The following DMD variants were observed in gnomAD, a reference collection of about 807,000 sequenced individuals.
DMD encodes the protein mutant dystrophin.
Under a neutral mutation model 330.1 loss-of-function variants are expected in DMD, and 63 were observed. The observed-to-expected ratio is 0.19, with a 90% CI of 0.16 to 0.24. The LOEUF is 0.24. Ranked by LOEUF, DMD falls within the 10% of genes least tolerant of loss-of-function variation. DMD has a pLI of 1.00. For missense variants in DMD, 3,344 were observed against 2,684.1 expected, an observed-to-expected ratio of 1.25 and a Z score of -5.43; for synonymous variants, 1,223 against 959.8, an observed-to-expected ratio of 1.27 and a Z score of -5.07.
intron 1 of DMD, among the ~76,000 whole-genome samples, chrX:33,028,613 C>T (rs771685548): frequency 1.8e-5 from 2 of 112,074 alleles, no homozygotes; most frequent in Non-Finnish European, 3.8e-5. Flanking sequence ...CATGCACTCC[C>T]TAGAATGAGG....
chrX:32,166,910 A>G (rs2096870517), intron 44 of DMD, among the ~76,000 whole-genome samples: 1 of 112,282 alleles, frequency 8.9e-6, no homozygotes, highest in Non-Finnish European at 1.9e-5. Flanking sequence ...GTTGAGCATT[A>G]CCATGTAGAA....
At chrX:32,652,607 C>G (rs1016080833) in intron 9 of DMD, among the ~76,000 whole-genome samples, 3 of 110,845 alleles carry the variant, frequency 2.7e-5, no homozygotes, top group African/African-American at 9.9e-5. Context: ...ACGTGTGCAT[C>G]TGTCTTTATA....
At chrX:32,575,294 A>G (rs2052909933) in intron 13 of DMD, among the ~76,000 whole-genome samples, 1 of 112,119 alleles carries the variant, frequency 8.9e-6, no homozygotes, top group Non-Finnish European at 1.9e-5. Flanking sequence ...GGTAAACAGA[A>G]GGCAGTCAAC....
At chrX:31,946,544 A>T (rs2095089475) in intron 45 of DMD, among the ~76,000 whole-genome samples, 1 of 111,950 alleles carries the variant, frequency 8.9e-6, no homozygotes. Flanking sequence ...TCTACCTAAC[A>T]GATTACTCAA....
chrX:33,021,191 AG>A (rs1404618937), intron 1 of DMD, among the ~76,000 whole-genome samples: 5 of 111,274 alleles, frequency 4.5e-5, no homozygotes, highest in Admixed American at 9.6e-5. Context: ...CAAAGAAAAA[AG>A]TCCCCAAAGA....
At chrX:32,570,210 C>T (rs2052247764) in intron 15 of DMD, among the ~76,000 whole-genome samples, 1 of 111,344 alleles carries the variant, frequency 9.0e-6, no homozygotes, top group Admixed American at 9.6e-5. Flanking sequence ...TATACCTAGA[C>T]ATGTAGTGAA....
intron 44 of DMD, among the ~76,000 whole-genome samples, chrX:31,976,745 A>T (rs2095439012): frequency 8.9e-6 from 1 of 111,796 alleles, no homozygotes; most frequent in Admixed American, 9.5e-5. Context: ...GTTGTGCTTT[A>T]AGAGAACAGA....
At position 32,678,838 on chromosome X, in the gene DMD, T is replaced by A. The variant is rs1284693685; in HGVS notation, c.960+19032A>T. Among the ~76,000 whole-genome samples, 6 of 111,711 alleles carry A rather than the reference T, an allele frequency of 5.4e-5. No individual in the cohort carries two copies. In the Admixed American group the frequency reaches 5.8e-4, roughly 11 times the overall value. ...TTCTAATAAATAAATGACTAGGAAC[T>A]TTGACTCCCTCCTTACAACTTTGGC... On this transcript the variant is annotated intron_variant, in intron 9 of 78. Coordinates refer to ENST00000357033, the MANE Select transcript of DMD (RefSeq NM_004006.3).
chrX:31,932,747 AATAC>A (rs1336489617), intron 45 of DMD, among the ~76,000 whole-genome samples: 2 of 111,148 alleles, frequency 1.8e-5, no homozygotes, highest in African/African-American at 6.5e-5. Flanking sequence ...CTCCATCTCA[AATAC>A]ATACATACAT....
chrX:32,671,006 C>T (rs771687551), intron 9 of DMD, among the ~76,000 whole-genome samples: 5 of 110,319 alleles, frequency 4.5e-5, no homozygotes, highest in African/African-American at 1.3e-4. Flanking sequence ...TTTTGATGAC[C>T]TAACCCAAAG....
At position 31,771,411 on chromosome X, in the gene DMD, A is replaced by G. The variant is rs184489798; in HGVS notation, c.7542+2549T>C. On this transcript the variant is annotated intron_variant, in intron 51 of 78. Transcript: ENST00000357033. ...CATATCATTATATATAATATGCTATATATACTATTTTAAAAATATTTTTAT... is the reference window on the plus strand; with the variant it reads ...CATATCATTATATATAATATGCTATGTATACTATTTTAAAAATATTTTTAT... 5.7e-4 allele frequency among the ~76,000 whole-genome samples: 62 copies of G among 109,729 alleles called. 1 individual carries two copies. The highest frequency in any genetic ancestry group is 2.8e-3 in the Admixed American group (29 of 10,196).
intron 43 of DMD, among the ~76,000 whole-genome samples, chrX:32,226,275 T>A (rs1044672114): frequency 1.1e-4 from 12 of 111,634 alleles, no homozygotes; most frequent in Admixed American, 4.8e-4. Context: ...AATCTGAAAA[T>A]TTTCATAACA....
intron 60 of DMD, among the ~76,000 whole-genome samples, chrX:31,419,769 T>A (rs2063265043): frequency 8.9e-6 from 1 of 111,887 alleles, no homozygotes; most frequent in Admixed American, 9.5e-5. Flanking sequence ...GGTCCTTTTC[T>A]TATTTGGAAA....
chrX:33,090,982 C>T (rs999882585), intron 1 of DMD, among the ~76,000 whole-genome samples: 1 of 110,754 alleles, frequency 9.0e-6, no homozygotes, highest in Non-Finnish European at 1.9e-5. Flanking sequence ...AAGCTGATCT[C>T]AAGCCAAAAT....
At chrX:32,898,340 G>C (rs756571428) in intron 2 of DMD, among the ~76,000 whole-genome samples, 48 of 112,212 alleles carry the variant, frequency 4.3e-4, no homozygotes, top group Non-Finnish European at 7.7e-4. Context: ...AGATACATTT[G>C]GCTAGTTTGA....
intron 47 of DMD, among the ~76,000 whole-genome samples, chrX:31,897,446 G>C (rs2094355854): frequency 9.9e-6 from 1 of 100,820 alleles, no homozygotes; most frequent in Non-Finnish European, 2.0e-5. Flanking sequence ...CCAGTAATGG[G>C]ATGGCTGGGT....
chrX:31,274,101 T>G (rs2051893809), intron 62 of DMD, among the ~76,000 whole-genome samples: 1 of 111,403 alleles, frequency 9.0e-6, no homozygotes, highest in South Asian at 3.8e-4. Context: ...TGAGGGAAAA[T>G]GAGAGGTCTG....
At chrX:32,368,774 C>T (rs2097862864) in intron 34 of DMD, among the ~76,000 whole-genome samples, 1 of 111,712 alleles carries the variant, frequency 9.0e-6, no homozygotes, top group Admixed American at 9.5e-5. Flanking sequence ...GCATACATGC[C>T]TTCTTCTGCC....
intron 29 of DMD, among the ~76,000 whole-genome samples, chrX:32,429,102 G>T (rs2098225188): frequency 9.2e-6 from 1 of 108,252 alleles, no homozygotes; most frequent in Non-Finnish European, 1.9e-5. Context: ...AATGTATTTT[G>T]AATTTTGATG....
Sources: allele counts gnomAD v4.1 joint callset (sites outside exome capture counted in the v4.1 genomes callset), GRCh38; gene constraint gnomAD v4.1.1; transcripts MANE v1.5; gene names NCBI Gene and HGNC (gene_info 2026-07-23, HGNC 2026-07-21).